The following PHYHIP variants were observed in gnomAD, a reference collection of about 807,000 sequenced individuals.
PHYHIP encodes the protein phytanoyl-CoA hydroxylase-interacting protein.
A neutral mutation model predicts 26.1 loss-of-function variants in PHYHIP; 7 were observed. The observed-to-expected ratio is 0.27, with a 90% CI of 0.15 to 0.50. PHYHIP has a LOEUF of 0.50. PHYHIP is among the 20% of genes least tolerant of loss of function. The probability of loss-of-function intolerance (pLI) is 0.98; values close to 1 mark genes in which losing one functional copy is unlikely to be tolerated. For synonymous variants in PHYHIP, 206 were observed against 183.4 expected (o/e 1.12, Z -1.00); for missense variants, 232 against 454.7 (o/e 0.51, Z 4.45).
At chr8:22,229,865 G>T (rs982087717) in intron 1 of PHYHIP, among the ~76,000 whole-genome samples, 6 of 152,188 alleles carry the variant, frequency 3.9e-5, no homozygotes, top group African/African-American at 1.4e-4. Flanking sequence ...TGGCACCTCT[G>T]TATTAACCTG....
rs1829640767 is a variant in PHYHIP, at chr8:22,221,997, C to G, written c.459-110G>C. ...AGGAGGGAGGAAGCCAGCCCAGCTCCCAGCCCTCCCCCAGCCGCCTCCACT... is the reference window on the plus strand; with the variant it reads ...AGGAGGGAGGAAGCCAGCCCAGCTCGCAGCCCTCCCCCAGCCGCCTCCACT... On this transcript the variant is annotated intron_variant, in intron 4 of 4. Coordinates refer to ENST00000454243, the MANE Select transcript of PHYHIP (RefSeq NM_014759.5). This position sits in a 1 kb window ranked among gnomAD's most constrained non-coding sequence, Gnocchi z 7.9. 1.1e-6 allele frequency: 1 copy of G among 878,762 alleles called. No homozygotes were observed. The highest frequency in any genetic ancestry group is 1.7e-5 in the African/African-American group (1 of 59,002). The allele number at this position is 878,762 out of a possible 1,614,324, so 54.4% of individuals were successfully genotyped here. A position where few individuals can be genotyped will look rare whatever the true frequency, so the allele number is the denominator to read the frequency against.
intron 1 of PHYHIP, among the ~76,000 whole-genome samples, chr8:22,231,271 C>A (rs1829860646): frequency 6.6e-6 from 1 of 152,090 alleles, no homozygotes; most frequent in African/African-American, 2.4e-5. Context: ...CCTAAATATA[C>A]TGCCTCATAG....
rs1829592361 is a variant in PHYHIP at position 22,220,398 on chromosome 8, G to A, written c.*955C>T. 6.5e-6 allele frequency: 1 copy of A among 152,726 alleles called. No individual in the cohort carries two copies. The highest frequency in any genetic ancestry group is 6.5e-5 in the Admixed American group (1 of 15,280). The allele number at this position is 152,726 out of a possible 1,614,324, so 9.5% of individuals were successfully genotyped here. On this transcript the variant is annotated 3_prime_UTR_variant, in exon 5 of 5. Transcript: ENST00000454243. ...CCAGGTCACGCATGGGCACAGTACAGTCATGGCACCATGGCAGAGCGAGTG... is the reference window on the plus strand; with the variant it reads ...CCAGGTCACGCATGGGCACAGTACAATCATGGCACCATGGCAGAGCGAGTG...
At position 22,220,302 on chromosome 8, in the gene PHYHIP, C is replaced by CCAG. The variant is rs1226774232; in HGVS notation, c.*1048_*1050dup. The CCAG allele has an allele frequency of 2.6e-5, 4 of 152,658 alleles. No homozygotes were observed. Among genetic ancestry groups the CCAG allele is most frequent in the African/African-American group, 7.2e-5 (3 of 41,554 alleles). 9.5% of individuals were successfully genotyped at this position (152,658 alleles called of 1,614,324 possible). On this transcript the variant is annotated 3_prime_UTR_variant, in exon 5 of 5. Transcript: ENST00000454243. The stretch of plus-strand genomic sequence containing the variant: ...GAACTCCCCGGGGAGGGGCTCCCGG[C>CCAG]CAGCAGGGTGGCAGGAGAGCAGACA...
At chr8:22,225,288 A>C (rs1377813255) in intron 3 of PHYHIP, among the ~76,000 whole-genome samples, 3 of 152,166 alleles carry the variant, frequency 2.0e-5, no homozygotes, top group African/African-American at 7.2e-5. Context: ...TAGCCTGACC[A>C]ACATGGAAAA....
intron 4 of PHYHIP, among the ~76,000 whole-genome samples, 168 bp from the exon 5 acceptor site, chr8:22,222,055 C>G (rs557745887): frequency 1.2e-4 from 19 of 152,268 alleles, no homozygotes; most frequent in Admixed American, 3.9e-4. Flanking sequence ...AATGCAAGAG[C>G]AGGGAGGGCC....
chr8:22,221,599 G>A lies in PHYHIP; in HGVS notation c.747C>T (p.Phe249=), dbSNP rs1486579032. Residue 249 remains phenylalanine (F), a synonymous_variant, in exon 5 of 5, where the codon TTC becomes TTT. Coordinates refer to ENST00000454243, the MANE Select transcript of PHYHIP (RefSeq NM_014759.5). The surrounding 1 kb of genome is among the most constrained non-coding windows in gnomAD (Gnocchi z 7.9). ...LAPKGSLGDR[F]CRDRLPLLDI... The stretch of plus-strand genomic sequence containing the variant: ...CCAGGAGGGGCAGGCGGTCGCGGCA[G>A]AAGCGGTCCCCCAGGGAGCCTTTGG... 4 of 1,613,810 alleles carry A rather than the reference G, an allele frequency of 2.5e-6. No individual in the cohort carries two copies. In the Admixed American group the frequency reaches 5.0e-5, roughly 20 times the overall value.
At chr8:22,230,767 T>C (rs1307929459) in intron 1 of PHYHIP, among the ~76,000 whole-genome samples, 1 of 152,068 alleles carries the variant, frequency 6.6e-6, no homozygotes, top group African/African-American at 2.4e-5. Context: ...TTCCACATTC[T>C]AAGAATGCCC....
chr8:22,225,640 C>CAAAAAAAAAAA (rs57092360), intron 3 of PHYHIP, among the ~76,000 whole-genome samples: 1 of 127,978 alleles, frequency 7.8e-6, no homozygotes, highest in African/African-American at 3.1e-5. Context: ...ACTAAAAATA[C>CAAAAAAAAAAA]AAAAAAAAAA....
intron 3 of PHYHIP, among the ~76,000 whole-genome samples, chr8:22,226,048 G>C (rs972807970): frequency 3.9e-5 from 6 of 152,140 alleles, no homozygotes; most frequent in Non-Finnish European, 8.8e-5. Context: ...GAGGGACCAA[G>C]CACACATAGG....
At chr8:22,222,246 C>T (rs1455487481) in intron 4 of PHYHIP, among the ~76,000 whole-genome samples, 1 of 152,098 alleles carries the variant, frequency 6.6e-6, no homozygotes, top group African/African-American at 2.4e-5. Flanking sequence ...ACCCCCTGCA[C>T]ACACAGTCTC....
rs1448194481 is a variant in PHYHIP at position 22,221,970 on chromosome 8, C to T, written c.459-83G>A. 10 of 1,262,944 alleles carry T rather than the reference C, an allele frequency of 7.9e-6. No homozygotes were observed. Among genetic ancestry groups the T allele is most frequent in the African/African-American group, 4.5e-5 (3 of 66,378 alleles). The allele number at this position is 1,262,944 out of a possible 1,614,324, so 78.2% of individuals were successfully genotyped here. On this transcript the variant is annotated intron_variant, in intron 4 of 4. Transcript: ENST00000454243. The surrounding 1 kb of genome is among the most constrained non-coding windows in gnomAD (Gnocchi z 7.9). ...CTGAGGCTTGGCTGCTGCGTGTGGT[C>T]GAGGAGGGAGGAAGCCAGCCCAGCT...
intron 3 of PHYHIP, among the ~76,000 whole-genome samples, chr8:22,226,388 T>TG (rs1396647727): frequency 6.6e-6 from 1 of 151,810 alleles, no homozygotes; most frequent in Non-Finnish European, 1.5e-5. Flanking sequence ...CAGAGGGAAA[T>TG]GGGGGGCGGT....
intron 3 of PHYHIP, 127 bp downstream of exon 3, chr8:22,226,724 A>T: frequency 1.1e-6 from 1 of 872,748 alleles, no homozygotes; most frequent in Non-Finnish European, 1.7e-6. Flanking sequence ...CCTGTGGCCC[A>T]AGCACGCTGC....
In PHYHIP at chr8:22,221,220, G is replaced by A. The variant is rs1321088265; in HGVS notation, c.*133C>T. The A allele has an allele frequency of 8.3e-6, 7 of 840,734 alleles. No individual in the cohort carries two copies. The highest frequency in any genetic ancestry group is 1.2e-5 in the Non-Finnish European group (7 of 560,324). The allele number at this position is 840,734 out of a possible 1,614,324, so 52.1% of individuals were successfully genotyped here. On this transcript the variant is annotated 3_prime_UTR_variant, in exon 5 of 5. Transcript: ENST00000454243. This position sits in a 1 kb window ranked among gnomAD's most constrained non-coding sequence, Gnocchi z 7.9. ...CCGTCTGTTGCCTCCAATGCCAAGG[G>A]GCGAGGGGAGGGCAGCTGGGCAGAG...
In PHYHIP at chr8:22,226,738, G is replaced by A. The variant is rs1036269137; in HGVS notation, c.340+113C>T. 3 of 1,002,816 alleles carry A rather than the reference G, an allele frequency of 3.0e-6. No individual in the cohort carries two copies. The African/African-American group carries it at 4.9e-5, about 16-fold the overall frequency. The allele number at this position is 1,002,816 out of a possible 1,614,324, so 62.1% of individuals were successfully genotyped here. On this transcript the variant is annotated intron_variant, in intron 3 of 4. Transcript: ENST00000454243. ...CCCTGTGGCCCAAGCACGCTGCCTG[G>A]TGGACAGAAGGTGTTCATCAGTGTT...
intron 2 of PHYHIP, chr8:22,227,808 G>C: frequency 2.3e-6 from 1 of 436,960 alleles, no homozygotes; most frequent in Non-Finnish European, 4.6e-6. Context: ...CCCTGAGCCG[G>C]GGCTTTGTCG....
At position 22,220,951 on chromosome 8, in the gene PHYHIP, A is replaced by G. The variant is rs988852313; in HGVS notation, c.*402T>C. 12 of 183,996 alleles carry G rather than the reference A, an allele frequency of 6.5e-5. No homozygotes were observed. The East Asian group carries it at 9.7e-4, about 15-fold the overall frequency. The allele number at this position is 183,996 out of a possible 1,614,324, so 11.4% of individuals were successfully genotyped here. On this transcript the variant is annotated 3_prime_UTR_variant, in exon 5 of 5. Coordinates refer to ENST00000454243, the MANE Select transcript of PHYHIP (RefSeq NM_014759.5). ...GAAAGATCGCCCCACAGCTCTCTGC[A>G]TCTCTTCTGGAGGCAGCCAAGCTAC...
rs567612153 is a variant in PHYHIP at position 22,227,755 on chromosome 8, G to C, written c.165+438C>G. ...GGCCACAGCAAAAGGGCTCCGCCCC[G>C]ACCGAGGCCCGTGTGGCCCACCCAG... is the stretch of plus-strand genomic sequence containing the variant. On this transcript the variant is annotated intron_variant, in intron 2 of 4. Transcript: ENST00000454243. The C allele has an allele frequency of 2.4e-5, 11 of 457,432 alleles. No homozygotes were observed. In the Admixed American group the frequency reaches 2.6e-4, roughly 11 times the overall value. The allele number at this position is 457,432 out of a possible 1,614,324, so 28.3% of individuals were successfully genotyped here. A position where few individuals can be genotyped will look rare whatever the true frequency, so the allele number is the denominator to read the frequency against.
Sources: allele counts gnomAD v4.1 joint callset (sites outside exome capture counted in the v4.1 genomes callset), GRCh38; gene constraint gnomAD v4.1.1; non-coding constraint Gnocchi (gnomAD v3.1); transcripts MANE v1.5; gene names NCBI Gene and HGNC (gene_info 2026-07-23, HGNC 2026-07-21).